The following MAGI1 variants were observed in gnomAD, a reference collection of about 807,000 sequenced individuals.
The protein encoded by MAGI1 is membrane associated guanylate kinase, WW and PDZ domain containing 1.
In MAGI1, 58 loss-of-function variants were observed where a neutral mutation model predicts 139.9. That is an observed-to-expected ratio of 0.41 (90% CI 0.34 to 0.52). MAGI1 has a LOEUF of 0.52. Ranked by LOEUF, MAGI1 falls within the 20% of genes least tolerant of loss-of-function variation. The probability of loss-of-function intolerance (pLI) is 0.12; values close to 1 mark genes in which losing one functional copy is unlikely to be tolerated. For missense variants in MAGI1, 1,874 were observed against 1,901.6 expected, an observed-to-expected ratio of 0.99 and a Z score of 0.27; for synonymous variants, 812 against 737.9, an observed-to-expected ratio of 1.10 and a Z score of -1.63.
At chr3:65,713,740 G>A (rs767246114) in intron 1 of MAGI1, among the ~76,000 whole-genome samples, 4 of 152,118 alleles carry the variant, frequency 2.6e-5, no homozygotes, top group South Asian at 2.1e-4. Flanking sequence ...TGCCTACTAC[G>A]TCACAGGTAG....
chr3:65,930,616 T>C (rs2062763551), intron 1 of MAGI1, among the ~76,000 whole-genome samples: 1 of 152,134 alleles, frequency 6.6e-6, no homozygotes, highest in South Asian at 2.1e-4. Flanking sequence ...TTGGGCATTC[T>C]AAGTTACAGG....
chr3:65,491,807 T>C (rs776512324), intron 3 of MAGI1, among the ~76,000 whole-genome samples: 4 of 150,204 alleles, frequency 2.7e-5, no homozygotes, highest in Non-Finnish European at 4.4e-5. Context: ...CTAAGCCAAC[T>C]GATAATTAGC....
At chr3:65,999,340 A>C (rs895585635) in intron 1 of MAGI1, among the ~76,000 whole-genome samples, 1 of 152,188 alleles carries the variant, frequency 6.6e-6, no homozygotes, top group Non-Finnish European at 1.5e-5. Flanking sequence ...AGAAAGAATC[A>C]ATAAAATCTG....
intron 2 of MAGI1, among the ~76,000 whole-genome samples, chr3:65,534,604 G>C (rs41473445): frequency 2.0e-3 from 306 of 152,218 alleles, no homozygotes; most frequent in African/African-American, 6.9e-3. Context: ...GCCACAGTTC[G>C]CTGAGAGCTA....
chr3:65,435,501 T>TGGATGGATGGATGGAA (rs1255957912), intron 10 of MAGI1, among the ~76,000 whole-genome samples: 1 of 151,660 alleles, frequency 6.6e-6, no homozygotes, highest in African/African-American at 2.4e-5. Context: ...GATGGATGGA[T>TGGATGGATGGATGGAA]GGAAGATGGA....
At chr3:65,617,040 C>T (rs1380165311) in intron 2 of MAGI1, among the ~76,000 whole-genome samples, 2 of 152,170 alleles carry the variant, frequency 1.3e-5, no homozygotes, top group African/African-American at 4.8e-5. Flanking sequence ...TGCTAAAATG[C>T]CCTTTTGAAT....
At chr3:65,719,303 G>A (rs570530676) in intron 1 of MAGI1, among the ~76,000 whole-genome samples, 11 of 150,462 alleles carry the variant, frequency 7.3e-5, no homozygotes, top group Non-Finnish European at 4.4e-5. Context: ...GTGTGTGTGT[G>A]TATATACATA....
intron 2 of MAGI1, among the ~76,000 whole-genome samples, chr3:65,617,652 C>T (rs555892251): frequency 6.6e-5 from 10 of 152,224 alleles, no homozygotes; most frequent in African/African-American, 1.9e-4. Context: ...TAGTGAAGTC[C>T]TTATCAGTCA....
chr3:65,717,695 A>G (rs1391976198), intron 1 of MAGI1, among the ~76,000 whole-genome samples: 1 of 152,200 alleles, frequency 6.6e-6, no homozygotes, highest in Non-Finnish European at 1.5e-5. Context: ...TTCAAGCTCA[A>G]AACTTTCCAT....
At chr3:65,747,073 G>A (rs2035770699) in intron 1 of MAGI1, among the ~76,000 whole-genome samples, 1 of 152,194 alleles carries the variant, frequency 6.6e-6, no homozygotes, top group Admixed American at 6.5e-5. Flanking sequence ...GGCTGAGGCA[G>A]GACGAATGTG....
intron 1 of MAGI1, among the ~76,000 whole-genome samples, chr3:65,807,896 C>T (rs1259509857): frequency 6.6e-6 from 1 of 152,128 alleles, no homozygotes; most frequent in African/African-American, 2.4e-5. Context: ...GATCACAGGG[C>T]TGTTTTTTCT....
intron 2 of MAGI1, among the ~76,000 whole-genome samples, chr3:65,565,952 C>CAGAGAAAAACGTCAT (rs2080605475): frequency 6.6e-6 from 1 of 151,542 alleles, no homozygotes; most frequent in Non-Finnish European, 1.5e-5. Flanking sequence ...TATTTACAGG[C>CAGAGAAAAACGTCAT]AGAGAAAAAC....
At chr3:65,926,536 G>GT (rs2062529063) in intron 1 of MAGI1, among the ~76,000 whole-genome samples, 1 of 152,104 alleles carries the variant, frequency 6.6e-6, no homozygotes, top group African/African-American at 2.4e-5. Context: ...CAAGATACAG[G>GT]TAATAAAGAC....
chr3:66,030,761 A>G (rs1051302479), intron 1 of MAGI1, among the ~76,000 whole-genome samples: 3 of 152,214 alleles, frequency 2.0e-5, no homozygotes, highest in African/African-American at 7.2e-5. Context: ...AGTCACTATA[A>G]GGACTTCGGC....
chr3:65,890,282 G>A (rs571399908), intron 1 of MAGI1, among the ~76,000 whole-genome samples: 8 of 152,192 alleles, frequency 5.3e-5, no homozygotes, highest in Non-Finnish European at 1.2e-4. Context: ...GGAGAATGGC[G>A]TCAACCCAGG....
chr3:65,494,347 AG>A (rs535123044), intron 2 of MAGI1, among the ~76,000 whole-genome samples: 158 of 152,352 alleles, frequency 1.0e-3, no homozygotes, highest in Non-Finnish European at 9.0e-4. Context: ...TTATGAAATA[AG>A]GCAGAGCATC....
intron 1 of MAGI1, among the ~76,000 whole-genome samples, chr3:65,759,096 T>A (rs200822901): frequency 0.022 from 1,663 of 75,170 alleles, 14 homozygotes; most frequent in African/African-American, 0.064. Context: ...AAAAAAAAAA[T>A]GGAAAGTGAA....
At chr3:65,417,555 A>G (rs1946317694) in intron 12 of MAGI1, among the ~76,000 whole-genome samples, 1 of 152,132 alleles carries the variant, frequency 6.6e-6, no homozygotes, top group Admixed American at 6.5e-5. Context: ...CCAAAAAGAA[A>G]AGAAAAGTTG....
At chr3:66,011,506 A>T (rs907216957) in intron 1 of MAGI1, among the ~76,000 whole-genome samples, 5 of 152,124 alleles carry the variant, frequency 3.3e-5, no homozygotes, top group African/African-American at 1.2e-4. Context: ...CGCCTCCAGG[A>T]TCCCCCTCCA....
Sources: gnomAD v4.1 joint callset for allele counts (sites outside exome capture counted in the v4.1 genomes callset) on GRCh38, gnomAD v4.1.1 for gene constraint, MANE v1.5 for transcripts, NCBI Gene and HGNC (gene_info 2026-07-23, HGNC 2026-07-21) for gene names.